MRAS: variants seen among roughly 807,000 people sequenced by gnomAD.
MRAS encodes the protein ras-related protein M-Ras.
Under a neutral mutation model 20.9 loss-of-function variants are expected in MRAS, and 4 were observed. The ratio of observed to expected loss-of-function variants is 0.19; its 90% confidence interval spans 0.09 to 0.44. MRAS has a LOEUF of 0.44. MRAS is among the 20% of genes least tolerant of loss of function. MRAS has a pLI of 0.99. For missense variants in MRAS, 154 were observed against 277.5 expected (o/e 0.56, Z 3.16); for synonymous variants, 98 against 102.9 (o/e 0.95, Z 0.29).
At chr3:138,360,299 C>T (rs6764290) in intron 1 of MRAS, among the ~76,000 whole-genome samples, 5,627 of 152,238 alleles carry the variant, frequency 0.037, 346 homozygotes, top group African/African-American at 0.13. Flanking sequence ...CCCTGGGATC[C>T]GGGCCTTCCG....
chr3:138,360,591 G>T (rs1009144989), intron 1 of MRAS, among the ~76,000 whole-genome samples: 1 of 152,166 alleles, frequency 6.6e-6, no homozygotes, highest in African/African-American at 2.4e-5. Flanking sequence ...GGTGCCCACG[G>T]GTGTCCAGTG....
intron 2 of MRAS, among the ~76,000 whole-genome samples, chr3:138,379,650 G>T (rs1211317592): frequency 1.3e-5 from 2 of 152,126 alleles, no homozygotes; most frequent in Non-Finnish European, 2.9e-5. Context: ...GAGCCACTGC[G>T]CCCAGCCTCA....
intron 2 of MRAS, among the ~76,000 whole-genome samples, chr3:138,389,940 TG>T (rs56805966): frequency 0.59 from 89,783 of 151,424 alleles, 27,612 homozygotes; most frequent in East Asian, 0.74. Flanking sequence ...TCTGGAAGCC[TG>T]GGTGGAAGAG....
At chr3:138,366,395 G>A (rs1010743582) in intron 1 of MRAS, among the ~76,000 whole-genome samples, 4 of 152,224 alleles carry the variant, frequency 2.6e-5, no homozygotes, top group African/African-American at 9.7e-5. Context: ...CTTCTAGCCT[G>A]ATTTACCTAA....
At chr3:138,352,740 T>C (rs1007485162) in intron 1 of MRAS, among the ~76,000 whole-genome samples, 4 of 152,072 alleles carry the variant, frequency 2.6e-5, no homozygotes, top group African/African-American at 9.7e-5. Flanking sequence ...AGTAAGATTT[T>C]GGAGAGCACC....
At chr3:138,383,873 G>A (rs2054955747) in intron 2 of MRAS, among the ~76,000 whole-genome samples, 1 of 152,210 alleles carries the variant, frequency 6.6e-6, no homozygotes, top group South Asian at 2.1e-4. Context: ...GGTCAGACAA[G>A]GTAAGGGAGT....
rs182144210 is a variant in MRAS, at chr3:138,363,808, T to A, written c.-18-9058T>A. Among the ~76,000 whole-genome samples, 546 of 134,414 alleles carry A rather than the reference T, an allele frequency of 4.1e-3. 1 individual carries two copies. Among genetic ancestry groups the A allele is most frequent in the Non-Finnish European group, 6.5e-3 (417 of 63,930 alleles). The allele number at this position is 134,414 out of a possible 152,430, so 88.2% of individuals were successfully genotyped here. On this transcript the variant is annotated intron_variant, in intron 1 of 5. Transcript: ENST00000423968. ...GACCTTTCTCATGTCATGTGACCTGTTAGAGGATTTACCCCCCCCCCCCCC... is the reference window on the plus strand; with the variant it reads ...GACCTTTCTCATGTCATGTGACCTGATAGAGGATTTACCCCCCCCCCCCCC...
chr3:138,384,695 G>C (rs932604972), intron 2 of MRAS, among the ~76,000 whole-genome samples: 4 of 152,180 alleles, frequency 2.6e-5, no homozygotes, highest in African/African-American at 4.8e-5. Flanking sequence ...GTGGTGACCT[G>C]TAAAGCTGCA....
rs1291903132 is a variant in MRAS, at chr3:138,404,467, G to C, written c.*2198G>C. 6.6e-6 allele frequency: 1 copy of C among 152,182 alleles called. No homozygotes were observed. The allele number at this position is 152,182 out of a possible 1,614,324, so 9.4% of individuals were successfully genotyped here. A position where few individuals can be genotyped will look rare whatever the true frequency, so the allele number is the denominator to read the frequency against. ...TCAGCTGATGTAGAACAGAGACCTC[G>C]GCCATAAAGGTGAGAAGACATAGGG... On this transcript the variant is annotated 3_prime_UTR_variant, in exon 6 of 6. Transcript: ENST00000423968.
rs116211866 is a variant in MRAS at position 138,352,035 on chromosome 3, G to A, written c.-19+3268G>A. Among the ~76,000 whole-genome samples the A allele has an allele frequency of 4.5e-3, 679 of 152,330 alleles. 5 individuals carry two copies. Among genetic ancestry groups the A allele is most frequent in the African/African-American group, 0.015 (608 of 41,564 alleles). On this transcript the variant is annotated intron_variant, in intron 1 of 5. Coordinates refer to ENST00000423968, the MANE Select transcript of MRAS (RefSeq NM_001085049.3). ...CATGCCATTCCAGTGCAGTGTGAGA[G>A]GGCAGAGATGGGGGCCAAGAGTACA...
At chr3:138,352,324 T>C (rs2054245341) in intron 1 of MRAS, among the ~76,000 whole-genome samples, 3 of 152,240 alleles carry the variant, frequency 2.0e-5, no homozygotes, top group Admixed American at 6.5e-5. Context: ...CTCCTTGCCC[T>C]GGCCCCCAGC....
intron 2 of MRAS, among the ~76,000 whole-genome samples, chr3:138,385,853 A>G (rs1313311645): frequency 1.3e-5 from 2 of 152,146 alleles, no homozygotes; most frequent in Non-Finnish European, 2.9e-5. Flanking sequence ...ATTACAGCAC[A>G]TTTACCTGCT....
chr3:138,385,405 C>G (rs2108540818), intron 2 of MRAS, among the ~76,000 whole-genome samples: 1 of 150,902 alleles, frequency 6.6e-6, no homozygotes, highest in East Asian at 1.9e-4. Context: ...GCTCAGCCTC[C>G]CAAAGTATTG....
intron 2 of MRAS, among the ~76,000 whole-genome samples, chr3:138,387,005 G>A (rs77567371): frequency 0.013 from 1,990 of 152,328 alleles, 41 homozygotes; most frequent in African/African-American, 0.044. Flanking sequence ...CCAGCAGTGT[G>A]TGAGGGGTCC....
chr3:138,372,831 C>A, intron 1 of MRAS, 35 bp from the exon 2 acceptor site: 1 of 1,388,530 alleles, frequency 7.2e-7, no homozygotes. Flanking sequence ...GTTAAAAAAG[C>A]CCTCTGTCTC....
chr3:138,358,271 A>G (rs564745929), intron 1 of MRAS, among the ~76,000 whole-genome samples: 1 of 152,044 alleles, frequency 6.6e-6, no homozygotes, highest in South Asian at 2.1e-4. Context: ...CAGGAGGCAG[A>G]GTCTGCACTG....
intron 1 of MRAS, among the ~76,000 whole-genome samples, chr3:138,353,921 T>A (rs1044458899): frequency 5.3e-5 from 8 of 152,360 alleles, no homozygotes; most frequent in African/African-American, 1.9e-4. Context: ...TGTCTCTTCC[T>A]GAAGTGCATG....
chr3:138,371,288 T>TGTA (rs1461290799), intron 1 of MRAS, among the ~76,000 whole-genome samples: 1 of 152,240 alleles, frequency 6.6e-6, no homozygotes, highest in East Asian at 1.9e-4. Flanking sequence ...GACTCTCGAC[T>TGTA]GTAGCCCCAT....
At chr3:138,378,266 G>T (rs1457698216) in intron 2 of MRAS, among the ~76,000 whole-genome samples, 2 of 152,234 alleles carry the variant, frequency 1.3e-5, no homozygotes, top group Non-Finnish European at 2.9e-5. Context: ...TATTCTCACA[G>T]GCTGCCTGCT....
Sources: allele counts gnomAD v4.1 joint callset (sites outside exome capture counted in the v4.1 genomes callset), GRCh38; gene constraint gnomAD v4.1.1; transcripts MANE v1.5; gene names NCBI Gene and HGNC (gene_info 2026-07-23, HGNC 2026-07-21).